The following ARHGAP6 variants were observed in gnomAD, a reference collection of about 807,000 sequenced individuals.
ARHGAP6 encodes the protein Rho GTPase activating protein 6, also known as rho GTPase-activating protein 6.
In ARHGAP6, 16 loss-of-function variants were observed where a neutral mutation model predicts 55.7. The ratio of observed to expected loss-of-function variants is 0.29; its 90% confidence interval spans 0.19 to 0.44. The LOEUF (loss-of-function observed/expected upper bound fraction) is 0.44, where lower values mean the gene tolerates loss of function less well. Ranked by LOEUF, ARHGAP6 falls within the 20% of genes least tolerant of loss-of-function variation. The probability of loss-of-function intolerance (pLI) is 1.00; values close to 1 mark genes in which losing one functional copy is unlikely to be tolerated. For synonymous variants in ARHGAP6, 382 were observed against 360.9 expected, an observed-to-expected ratio of 1.06 and a Z score of -0.66; for missense variants, 698 against 808.9, an observed-to-expected ratio of 0.86 and a Z score of 1.66.
chrX:11,576,585 G>C (rs2051601295), intron 1 of ARHGAP6, among the ~76,000 whole-genome samples: 1 of 111,782 alleles, frequency 8.9e-6, no homozygotes, highest in Non-Finnish European at 1.9e-5. Context: ...GAAAAATGTT[G>C]ATATTTTAAC....
chrX:11,471,990 G>C (rs948875432), intron 1 of ARHGAP6, among the ~76,000 whole-genome samples: 3 of 112,141 alleles, frequency 2.7e-5, no homozygotes, highest in Admixed American at 1.9e-4. Context: ...ATTGTTCTGG[G>C]GGAGAGACAG....
intron 2 of ARHGAP6, among the ~76,000 whole-genome samples, chrX:11,232,375 C>T (rs1226277694): frequency 9.0e-6 from 1 of 111,339 alleles, no homozygotes; most frequent in Non-Finnish European, 1.9e-5. Flanking sequence ...AATCCCAGCA[C>T]TTTGGGAGGC....
intron 9 of ARHGAP6, among the ~76,000 whole-genome samples, chrX:11,157,324 T>G (rs1444636277): frequency 8.9e-6 from 1 of 112,723 alleles, no homozygotes; most frequent in African/African-American, 3.2e-5. Context: ...GGCTACTACA[T>G]TTGCATATGT....
At chrX:11,528,584 A>G (rs1415316836) in intron 1 of ARHGAP6, among the ~76,000 whole-genome samples, 4 of 112,209 alleles carry the variant, frequency 3.6e-5, no homozygotes, top group African/African-American at 9.7e-5. Flanking sequence ...ACTGTTATCA[A>G]TGCAGATTCT....
At chrX:11,304,843 G>A (rs2048219797) in intron 1 of ARHGAP6, among the ~76,000 whole-genome samples, 1 of 85,743 alleles carries the variant, frequency 1.2e-5, no homozygotes, top group South Asian at 6.8e-4. Context: ...CTGGAGTGCA[G>A]TGGCTCAATC....
intron 1 of ARHGAP6, among the ~76,000 whole-genome samples, chrX:11,574,715 G>A (rs1023246179): frequency 9.2e-6 from 1 of 108,722 alleles, no homozygotes; most frequent in Admixed American, 9.9e-5. Context: ...AGTGTTGGAA[G>A]TTCTGGCCAG....
At position 11,503,875 on chromosome X, in the gene ARHGAP6, TACACAC is replaced by T. The variant is rs2050705101; in HGVS notation, c.588+160360_588+160365del. ...ACACACACACACAAAGAGACACACA[TACACAC>T]ACACAAACACATGCACACACACATC... On this transcript the variant is annotated intron_variant, in intron 1 of 12. Coordinates refer to ENST00000337414, the MANE Select transcript of ARHGAP6 (RefSeq NM_013427.3). Among the ~76,000 whole-genome samples, 6 of 94,516 alleles carry T rather than the reference TACACAC, an allele frequency of 6.3e-5. No individual in the cohort carries two copies. In the South Asian group the frequency reaches 2.5e-3, roughly 40 times the overall value. The allele number at this position is 94,516 out of a possible 115,157, so 82.1% of individuals were successfully genotyped here. A position where few individuals can be genotyped will look rare whatever the true frequency, so the allele number is the denominator to read the frequency against.
intron 1 of ARHGAP6, among the ~76,000 whole-genome samples, chrX:11,439,348 C>G (rs1210752297): frequency 1.8e-5 from 2 of 111,907 alleles, no homozygotes; most frequent in African/African-American, 6.5e-5. Context: ...TAAATAAAGT[C>G]TTCTTGGAAC....
chrX:11,197,772 A>G (rs1457105857), intron 2 of ARHGAP6, among the ~76,000 whole-genome samples: 2 of 112,368 alleles, frequency 1.8e-5, no homozygotes, highest in African/African-American at 6.5e-5. Flanking sequence ...AACTCACCAA[A>G]TAATAAAGAT....
At chrX:11,519,539 A>G (rs896709391) in intron 1 of ARHGAP6, among the ~76,000 whole-genome samples, 2 of 111,213 alleles carry the variant, frequency 1.8e-5, no homozygotes, top group African/African-American at 6.6e-5. Flanking sequence ...GTCAATCCTA[A>G]GCCAAAAGAA....
chrX:11,229,520 T>C (rs1263689738), intron 2 of ARHGAP6, among the ~76,000 whole-genome samples: 1 of 112,239 alleles, frequency 8.9e-6, no homozygotes, highest in African/African-American at 3.2e-5. Flanking sequence ...AGTTTAGTAT[T>C]TGTGGAGTAT....
chrX:11,409,772 T>C (rs1243273716), intron 1 of ARHGAP6, among the ~76,000 whole-genome samples: 1 of 112,399 alleles, frequency 8.9e-6, no homozygotes, highest in Non-Finnish European at 1.9e-5. Flanking sequence ...ATAAAAGTTA[T>C]AACTAAAATA....
intron 10 of ARHGAP6, chrX:11,148,589 ACAAG>A: frequency 2.9e-6 from 1 of 350,185 alleles, no homozygotes; most frequent in Non-Finnish European, 5.6e-6. Flanking sequence ...AGCTAACCAG[ACAAG>A]CAAGGGATGG....
At chrX:11,463,657 G>A (rs2147819228) in intron 1 of ARHGAP6, among the ~76,000 whole-genome samples, 1 of 111,922 alleles carries the variant, frequency 8.9e-6, no homozygotes, top group East Asian at 2.8e-4. Context: ...TCAAACATTT[G>A]ATTACATGCT....
At chrX:11,553,163 G>C (rs1056790674) in intron 1 of ARHGAP6, among the ~76,000 whole-genome samples, 1 of 111,537 alleles carries the variant, frequency 9.0e-6, no homozygotes, top group African/African-American at 3.3e-5. Context: ...TTGTGAGAAA[G>C]TGCTTTATTT....
At chrX:11,345,887 T>TAAG (rs2048775639) in intron 1 of ARHGAP6, among the ~76,000 whole-genome samples, 54 of 111,826 alleles carry the variant, frequency 4.8e-4, no homozygotes, top group Admixed American at 4.6e-3. Context: ...AACCCCTGCC[T>TAAG]TTCTCTCTAA....
intron 1 of ARHGAP6, among the ~76,000 whole-genome samples, chrX:11,608,637 C>T (rs2052063729): frequency 9.0e-6 from 1 of 111,705 alleles, no homozygotes; most frequent in South Asian, 3.8e-4. Flanking sequence ...AATTGTACTC[C>T]CGTAATTCCC....
intron 1 of ARHGAP6, among the ~76,000 whole-genome samples, chrX:11,393,735 A>C (rs2049440448): frequency 8.9e-6 from 1 of 111,872 alleles, no homozygotes; most frequent in African/African-American, 3.2e-5. Flanking sequence ...AGCTTATTTT[A>C]GGACATGGCT....
chrX:11,479,328 C>T (rs746777408), intron 1 of ARHGAP6, among the ~76,000 whole-genome samples: 4 of 112,051 alleles, frequency 3.6e-5, no homozygotes, highest in Admixed American at 2.8e-4. Flanking sequence ...GGCAACATCC[C>T]GGTTCAGCTC....
Sources: allele counts gnomAD v4.1 joint callset (sites outside exome capture counted in the v4.1 genomes callset), GRCh38; gene constraint gnomAD v4.1.1; transcripts MANE v1.5; gene names NCBI Gene and HGNC (gene_info 2026-07-23, HGNC 2026-07-21).